The following EARS2 variants were observed in gnomAD, a reference collection of about 807,000 sequenced individuals.
The protein encoded by EARS2 is nondiscriminating glutamyl-tRNA synthetase EARS2, mitochondrial.
In EARS2, 50 loss-of-function variants were observed where a neutral mutation model predicts 54.1. The observed-to-expected ratio is 0.92, with a 90% CI of 0.74 to 1.17. The LOEUF (loss-of-function observed/expected upper bound fraction) is 1.17, where lower values mean the gene tolerates loss of function less well. EARS2 is among the 50% of genes most tolerant of loss of function. The probability of loss-of-function intolerance (pLI) is 0.00; values close to 1 mark genes in which losing one functional copy is unlikely to be tolerated. For synonymous variants in EARS2, 298 were observed against 281.0 expected (o/e 1.06, Z -0.61); for missense variants, 673 against 675.0 (o/e 1.00, Z 0.03).
At chr16:23,524,938 C>T (rs1277507638) in intron 8 of EARS2, 4 of 560,152 alleles carry the variant, frequency 7.1e-6, no homozygotes, top group Non-Finnish European at 1.3e-5. Flanking sequence ...AGCCACCGTG[C>T]CTGGCCTGAT....
intron 3 of EARS2, among the ~76,000 whole-genome samples, chr16:23,540,065 G>T (rs1483477721): frequency 6.6e-6 from 1 of 152,128 alleles, no homozygotes; most frequent in East Asian, 1.9e-4. Context: ...GAGATGAGAG[G>T]ACTGCTTGAG....
chr16:23,552,343 A>G (rs754813717), intron 1 of EARS2, 39 bp from the exon 2 acceptor site: 5 of 1,606,668 alleles, frequency 3.1e-6, no homozygotes, highest in Middle Eastern at 1.7e-4. Flanking sequence ...AGGGAAGATA[A>G]GCTAATAGGC....
chr16:23,540,986 G>T (rs760991074), intron 3 of EARS2, among the ~76,000 whole-genome samples: 3 of 144,342 alleles, frequency 2.1e-5, no homozygotes, highest in African/African-American at 5.2e-5. Context: ...GCAAGACTCC[G>T]TCTCCAAAAA....
chr16:23,549,959 A>G (rs2142192518), intron 2 of EARS2, among the ~76,000 whole-genome samples: 1 of 151,952 alleles, frequency 6.6e-6, no homozygotes. Context: ...CTCCAGCATC[A>G]CCTCCTAAGA....
At chr16:23,527,152 G>A (rs1338085828) in intron 7 of EARS2, among the ~76,000 whole-genome samples, 2 of 152,082 alleles carry the variant, frequency 1.3e-5, no homozygotes, top group African/African-American at 4.8e-5. Context: ...CTTTTGTAGA[G>A]ATGGGGTCAA....
chr16:23,524,251 C>G lies in EARS2; in HGVS notation c.*120G>C. 2 of 812,896 alleles carry G rather than the reference C, an allele frequency of 2.5e-6. No homozygotes were observed. 50.4% of individuals were successfully genotyped at this position (812,896 alleles called of 1,614,324 possible). A position where few individuals can be genotyped will look rare whatever the true frequency, so the allele number is the denominator to read the frequency against. ...ACTTGTGTGCAGTCAGAGATTGTTT[C>G]CACTCTTAGTTCCTTCAGCAAACTT... On this transcript the variant is annotated 3_prime_UTR_variant, in exon 9 of 9. Coordinates refer to ENST00000449606, the MANE Select transcript of EARS2 (RefSeq NM_001083614.2).
intron 2 of EARS2, among the ~76,000 whole-genome samples, chr16:23,547,524 AAGAC>A (rs1965623841): frequency 6.6e-6 from 1 of 152,094 alleles, no homozygotes; most frequent in African/African-American, 2.4e-5. Context: ...TTTTTCCCCG[AAGAC>A]AGAGTCTAGC....
Position 23,520,888 on chromosome 16 carries a change from T to C in EARS2, c.*3483A>G, listed in dbSNP as rs1323235863. ...ACTGCAACCTCCCGTTCTGTGGGGG[T>C]TCAAGTAATTCCTGTGCCTCAGCCA... On this transcript the variant is annotated 3_prime_UTR_variant, in exon 9 of 9. Coordinates refer to ENST00000449606, the MANE Select transcript of EARS2 (RefSeq NM_001083614.2). Among the ~76,000 whole-genome samples, 1 of 151,610 alleles carries C rather than the reference T, an allele frequency of 6.6e-6. No individual in the cohort carries two copies. Among genetic ancestry groups the C allele is most frequent in the Non-Finnish European group, 1.5e-5 (1 of 67,946 alleles).
intron 1 of EARS2, 55 bp from the exon 2 acceptor site, chr16:23,552,359 C>T: frequency 6.4e-7 from 1 of 1,574,024 alleles, no homozygotes; most frequent in East Asian, 2.3e-5. Flanking sequence ...TAGGCCTCAG[C>T]AAGGGGCAAG....
chr16:23,557,164 CA>C (rs749545840), intron 1 of EARS2, 40 bp downstream of exon 1: 42 of 1,504,026 alleles, frequency 2.8e-5, no homozygotes, highest in East Asian at 9.1e-5. Context: ...GGAGACGGGA[CA>C]GGGGGCCTCG....
intron 4 of EARS2, 68 bp downstream of exon 4, chr16:23,534,816 ACTGT>A (rs1965385044): frequency 7.5e-7 from 1 of 1,339,230 alleles, no homozygotes; most frequent in African/African-American, 1.5e-5. Context: ...AAAGAGCAGG[ACTGT>A]CTGAGCCAAA....
At chr16:23,552,953 G>T in intron 1 of EARS2, 5 of 281,728 alleles carry the variant, frequency 1.8e-5, no homozygotes, top group Admixed American at 4.3e-5. Flanking sequence ...TGGGCAACAT[G>T]GTGAGACCTT....
intron 1 of EARS2, among the ~76,000 whole-genome samples, chr16:23,552,533 C>G (rs1965713919): frequency 6.6e-6 from 1 of 151,758 alleles, no homozygotes; most frequent in Non-Finnish European, 1.5e-5. Context: ...CTCTGTCACC[C>G]AAGCTGGAGT....
At position 23,521,329 on chromosome 16, in the gene EARS2, AT is replaced by A. The variant is rs147218508; in HGVS notation, c.*3041del. Among the ~76,000 whole-genome samples the A allele has an allele frequency of 0.015, 2,235 of 152,260 alleles. 23 individuals are homozygous for A. The highest frequency in any genetic ancestry group is 0.019 in the South Asian group (93 of 4,822). On this transcript the variant is annotated 3_prime_UTR_variant, in exon 9 of 9. Coordinates refer to ENST00000449606, the MANE Select transcript of EARS2 (RefSeq NM_001083614.2). ...AACCACCATCTTATTTTCTGCCTGT[AT>A]AATTTTGATTATTTTAAGTAATTCA...
At chr16:23,526,085 C>G (rs1307185147) in intron 7 of EARS2, among the ~76,000 whole-genome samples, 1 of 149,100 alleles carries the variant, frequency 6.7e-6, no homozygotes, top group African/African-American at 2.5e-5. Flanking sequence ...TGCCTGAACA[C>G]ATGATAAATA....
intron 8 of EARS2, 82 bp from the exon 9 acceptor site, chr16:23,524,536 A>G: frequency 8.0e-7 from 1 of 1,253,316 alleles, no homozygotes; most frequent in Non-Finnish European, 1.2e-6. Flanking sequence ...TGCAGAAATT[A>G]TTCCCAGGCC....
At chr16:23,528,397 G>A (rs1965265837) in intron 7 of EARS2, among the ~76,000 whole-genome samples, 1 of 152,224 alleles carries the variant, frequency 6.6e-6, no homozygotes, top group African/African-American at 2.4e-5. Flanking sequence ...CAGGCCCCAG[G>A]CCGGGAACAA....
At chr16:23,553,012 T>A (rs1965721219) in intron 1 of EARS2, 1 of 380,668 alleles carries the variant, frequency 2.6e-6, no homozygotes, top group Non-Finnish European at 5.3e-6. Context: ...GGTACATGCC[T>A]GTGGTTTCAG....
intron 1 of EARS2, among the ~76,000 whole-genome samples, chr16:23,554,570 A>G (rs1046758418): frequency 9.9e-5 from 15 of 152,176 alleles, no homozygotes; most frequent in Non-Finnish European, 2.2e-4. Context: ...CAGAGGAGAG[A>G]AAAAGCTCTT....
Sources: allele counts gnomAD v4.1 joint callset (sites outside exome capture counted in the v4.1 genomes callset), GRCh38; gene constraint gnomAD v4.1.1; transcripts MANE v1.5; gene names NCBI Gene and HGNC (gene_info 2026-07-23, HGNC 2026-07-21).